The following ABCC2 variants were observed in gnomAD, a reference collection of about 807,000 sequenced individuals.
ABCC2 encodes the protein ATP-binding cassette sub-family C member 2.
A neutral mutation model predicts 173.4 loss-of-function variants in ABCC2; 157 were observed. That is an observed-to-expected ratio of 0.91 (90% CI 0.80 to 1.03). The LOEUF is 1.03. Ranked by LOEUF, ABCC2 falls within the 50% of genes least tolerant of loss-of-function variation. The pLI, the probability that ABCC2 is intolerant of heterozygous loss-of-function variation, is 0.00. For missense variants in ABCC2, 1,822 were observed against 1,852.3 expected, an observed-to-expected ratio of 0.98 and a Z score of 0.30; for synonymous variants, 657 against 693.5, an observed-to-expected ratio of 0.95 and a Z score of 0.83.
Position 99,799,221 on chromosome 10 carries a change from G to GA in ABCC2, c.890dup (p.Lys298GlufsTer36), listed in dbSNP as rs759781877. 5.6e-6 allele frequency: 9 copies of GA among 1,613,350 alleles called. No homozygotes were observed. Among genetic ancestry groups the GA allele is most frequent in the Admixed American group, 3.3e-5 (2 of 59,946 alleles). On this transcript the variant is annotated frameshift_variant, in exon 8 of 32. Coordinates refer to ENST00000647814, the MANE Select transcript of ABCC2 (RefSeq NM_000392.5). LOFTEE classifies it high-confidence loss of function. ...TTTGTACCTAGGAAGATGTTGAAAA[G>GA]AAAAAAAAGAAGTCTGGGACCAAAA...
In ABCC2 at chr10:99,784,780, A is replaced by G; in HGVS notation, c.206A>G (p.Gln69Arg). ...SSTTKLYLAK[Q>R]VFVGFLLILA... ...ACCACCAAACTCTATCTTGCTAAGC[A>G]GGTAAAGTTAACACCACTGTTTCTG... Residue 69 changes from glutamine (Q) to arginine (R), a missense_variant and splice_region_variant, in exon 2 of 32, where the codon CAG (glutamine) becomes CGG (arginine). By Grantham distance (43) the Gln-to-Arg change is conservative. Coordinates refer to ENST00000647814, the MANE Select transcript of ABCC2 (RefSeq NM_000392.5). 6.2e-7 allele frequency: 1 copy of G among 1,614,072 alleles called. No homozygotes were observed. Among genetic ancestry groups the G allele is most frequent in the South Asian group, 1.1e-5 (1 of 91,082 alleles).
intron 12 of ABCC2, 118 bp from the exon 13 acceptor site, chr10:99,807,965 G>C (rs182656573): frequency 3.2e-6 from 4 of 1,243,184 alleles, no homozygotes; most frequent in East Asian, 2.3e-5. Flanking sequence ...CTGTAACATG[G>C]GGAGGCTGGA....
At chr10:99,835,253 T>C (rs553022661) in intron 24 of ABCC2, among the ~76,000 whole-genome samples, 22 of 152,282 alleles carry the variant, frequency 1.4e-4, no homozygotes, top group Admixed American at 7.2e-4. Flanking sequence ...TGGCCTGCGA[T>C]TGGCGGCTCG....
intron 3 of ABCC2, 29 bp downstream of exon 3, chr10:99,792,388 T>C: frequency 1.2e-6 from 2 of 1,612,702 alleles, no homozygotes; most frequent in Non-Finnish European, 1.7e-6. Context: ...CTGCCCTGTT[T>C]ACCTTTTCAT....
At chr10:99,825,842 G>A (rs1399911443) in intron 19 of ABCC2, among the ~76,000 whole-genome samples, 1 of 152,178 alleles carries the variant, frequency 6.6e-6, no homozygotes, top group East Asian at 1.9e-4. Context: ...GCTCGTGGCG[G>A]GGGACAATTG....
At chr10:99,807,268 C>T (rs1031415313) in intron 11 of ABCC2, 116 bp from the exon 12 acceptor site, 2 of 1,333,000 alleles carry the variant, frequency 1.5e-6, no homozygotes, top group Non-Finnish European at 2.1e-6. Context: ...ACTTTATAAT[C>T]TGGATTTCTA....
intron 19 of ABCC2, among the ~76,000 whole-genome samples, chr10:99,821,682 C>CA (rs2038540719): frequency 6.6e-6 from 1 of 152,210 alleles, no homozygotes; most frequent in Admixed American, 6.5e-5. Flanking sequence ...GGGGTAAGGT[C>CA]ACAGAATCTT....
Position 99,836,175 on chromosome 10 carries a change from G to C in ABCC2, c.3499G>C (p.Val1167Leu), listed in dbSNP as rs367739304. ...AATCTACTCTCACTTCAGCGAGACCGTATCAGGTTTGCCAGTTATCCGTGC... is the reference window on the plus strand; with the variant it reads ...AATCTACTCTCACTTCAGCGAGACCCTATCAGGTTTGCCAGTTATCCGTGC... ...SPIYSHFSET[V>L]SGLPVIRAFE... The change falls in exon 25 of 32, where the codon GTA (valine) becomes CTA (leucine). Residue 1167 changes from valine (V) to leucine (L), a missense_variant. Physicochemically the swap from Val to Leu is conservative, Grantham distance 32 (BLOSUM62 1). Coordinates refer to ENST00000647814, the MANE Select transcript of ABCC2 (RefSeq NM_000392.5). 7.4e-6 allele frequency: 12 copies of C among 1,614,056 alleles called. No individual in the cohort carries two copies. Among genetic ancestry groups the C allele is most frequent in the African/African-American group, 1.3e-5 (1 of 74,928 alleles).
rs181610605 is a variant in ABCC2, at chr10:99,818,234, G to T, written c.2272-556G>T. On this transcript the variant is annotated intron_variant, in intron 17 of 31. Coordinates refer to ENST00000647814, the MANE Select transcript of ABCC2 (RefSeq NM_000392.5). ...CAAGACTCCATCTCAAAAAAAAAAA[G>T]ATTTTTAATGACTGTATTGTATTTA... is the stretch of plus-strand genomic sequence containing the variant. Among the ~76,000 whole-genome samples the T allele has an allele frequency of 6.3e-3, 917 of 144,974 alleles. 28 individuals are homozygous for T. The highest frequency in any genetic ancestry group is 0.055 in the Admixed American group (807 of 14,632).
intron 25 of ABCC2, among the ~76,000 whole-genome samples, chr10:99,839,248 A>C (rs1346617952): frequency 3.5e-4 from 19 of 54,876 alleles, no homozygotes; most frequent in Admixed American, 1.1e-3. Flanking sequence ...CGACCCCCCC[A>C]CCTCCCTCCC....
Position 99,797,112 on chromosome 10 carries a change from C to G in ABCC2, c.648C>G (p.Gly216=). 8 of 1,614,108 alleles carry G rather than the reference C, an allele frequency of 5.0e-6. No individual in the cohort carries two copies. The highest frequency in any genetic ancestry group is 5.9e-6 in the Non-Finnish European group (7 of 1,179,992). Residue 216 remains glycine, a synonymous_variant, in exon 7 of 32, where the codon GGC becomes GGG. Transcript: ENST00000647814. ...YSWYDSIILK[G]YKRPLTLEDV... ...CTTGTTCCAGCATCATTCTGAAAGG[C>G]TACAAGCGTCCTCTGACACTCGAGG...
chr10:99,821,552 G>A (rs2038538012), intron 19 of ABCC2, among the ~76,000 whole-genome samples: 1 of 152,148 alleles, frequency 6.6e-6, no homozygotes, highest in South Asian at 2.1e-4. Flanking sequence ...AGGGAGTGGT[G>A]ATGACTCTTA....
rs1336166879 is a variant in ABCC2, at chr10:99,813,139, A to G, written c.2089A>G (p.Ile697Val). The G allele has an allele frequency of 2.5e-6, 4 of 1,613,522 alleles. No homozygotes were observed. Among genetic ancestry groups the G allele is most frequent in the Admixed American group, 1.7e-5 (1 of 59,988 alleles). ...EMENVHGHITIKGTTAYVPQQ... is the reference protein window; with the variant it reads ...EMENVHGHITVKGTTAYVPQQ... ...GGAAAATGTCCACGGGCACATCACCATCAAGGTGAGAGGGAATGCCAATGC... is the reference window on the plus strand; with the variant it reads ...GGAAAATGTCCACGGGCACATCACCGTCAAGGTGAGAGGGAATGCCAATGC... The change falls in exon 16 of 32, where the codon ATC becomes GTC. Residue 697 changes from isoleucine to valine, a missense_variant. Transcript: ENST00000647814.
Position 99,793,688 on chromosome 10 carries a change from A to G in ABCC2, c.468+3A>G, listed in dbSNP as rs755854923. On this transcript the variant is annotated splice_donor_region_variant and intron_variant, in intron 4 of 31. Coordinates refer to ENST00000647814, the MANE Select transcript of ABCC2 (RefSeq NM_000392.5). The stretch of plus-strand genomic sequence containing the variant: ...CTCTGATCCGGACACTCTTACAGGT[A>G]AGGAAAAAAAGAGTGGATGACATGA... 6.2e-7 allele frequency: 1 copy of G among 1,614,112 alleles called. No homozygotes were observed. The highest frequency in any genetic ancestry group is 1.1e-5 in the South Asian group (1 of 91,082).
chr10:99,810,025 A>T (rs1415185989), intron 13 of ABCC2, 109 bp from the exon 14 acceptor site: 5 of 982,428 alleles, frequency 5.1e-6, no homozygotes, highest in African/African-American at 4.8e-5. Context: ...AGATTAGGAG[A>T]TGCCAGCTGT....
chr10:99,836,552 C>T (rs1019727101), intron 25 of ABCC2, among the ~76,000 whole-genome samples: 10 of 152,132 alleles, frequency 6.6e-5, no homozygotes, highest in African/African-American at 2.4e-4. Context: ...TTTGTAATGG[C>T]CAGAACACAC....
intron 23 of ABCC2, 60 bp from the exon 24 acceptor site, chr10:99,834,320 G>T: frequency 6.5e-7 from 1 of 1,548,452 alleles, no homozygotes; most frequent in South Asian, 1.1e-5. Flanking sequence ...GAACTAGGAA[G>T]ATGTAAACTA....
At chr10:99,834,330 A>G in intron 23 of ABCC2, 50 bp from the exon 24 acceptor site, 1 of 1,590,474 alleles carries the variant, frequency 6.3e-7, no homozygotes, top group South Asian at 1.1e-5. Flanking sequence ...GATGTAAACT[A>G]TCTTAGGAAG....
At position 99,851,634 on chromosome 10, in the gene ABCC2, G is replaced by C; in HGVS notation, c.*3G>C. On this transcript the variant is annotated 3_prime_UTR_variant, in exon 32 of 32. Transcript: ENST00000647814. ...ATGTGAACAGCACAAAATTCTAGCA[G>C]AAGGCCCCATGGGTTAGAAAAGGAC... is the stretch of plus-strand genomic sequence containing the variant. 1.2e-6 allele frequency: 2 copies of C among 1,613,972 alleles called. No homozygotes were observed. The highest frequency in any genetic ancestry group is 1.7e-6 in the Non-Finnish European group (2 of 1,179,900).
Sources: gnomAD v4.1 joint callset for allele counts (sites outside exome capture counted in the v4.1 genomes callset) on GRCh38, gnomAD v4.1.1 for gene constraint, MANE v1.5 for transcripts, NCBI Gene and HGNC (gene_info 2026-07-23, HGNC 2026-07-21) for gene names.